The following DEPDC1 variants were observed in gnomAD, a reference collection of about 807,000 sequenced individuals.
The protein encoded by DEPDC1 is DEP domain containing 1, also known as DEP domain-containing protein 1A.
In DEPDC1, 66 loss-of-function variants were observed where a neutral mutation model predicts 86.8. The observed-to-expected ratio is 0.76, with a 90% confidence interval of 0.62 to 0.93. The LOEUF is 0.93. DEPDC1 is among the 40% of genes least tolerant of loss of function. DEPDC1 has a pLI of 0.00. For synonymous variants in DEPDC1, 255 were observed against 314.9 expected (o/e 0.81, Z 2.02); for missense variants, 792 against 935.7 (o/e 0.85, Z 2.00).
rs1284415828 is a variant in DEPDC1, at chr1:68,494,541, G to T, written c.203C>A (p.Thr68Lys). 2 of 1,613,536 alleles carry T rather than the reference G, an allele frequency of 1.2e-6. No homozygotes were observed. The highest frequency in any genetic ancestry group is 1.7e-5 in the Admixed American group (1 of 59,978). ...CAACAGTTGGATAGTCTGTTGCCTT[G>T]TAACTTCAGGACCAAAATTGCTATT... The part of the protein sequence containing the change: ...RNNSNFGPEV[T>K]RQQTIQLLRK... The change falls in exon 2 of 12, where the codon ACA becomes AAA. Residue 68 changes from threonine (T) to lysine (K), a missense_variant. Thr to Lys is a moderately conservative substitution (Grantham distance 78). Coordinates refer to ENST00000456315, the MANE Select transcript of DEPDC1 (RefSeq NM_001114120.3).
At chr1:68,478,728 A>G (rs1020580495) in intron 10 of DEPDC1, among the ~76,000 whole-genome samples, 2 of 151,786 alleles carry the variant, frequency 1.3e-5, no homozygotes, top group Non-Finnish European at 2.9e-5. Flanking sequence ...TTTGTGTAGA[A>G]CCAATCAGAG....
At chr1:68,494,775 A>C in intron 1 of DEPDC1, 80 bp from the exon 2 acceptor site, 2 of 1,099,336 alleles carry the variant, frequency 1.8e-6, no homozygotes, top group Non-Finnish European at 1.3e-6. Flanking sequence ...TTAGGTAAAG[A>C]AAATTCTTTA....
chr1:68,492,097 AAAGTTTGAACACCTCAG>A (rs1646232797), intron 2 of DEPDC1, among the ~76,000 whole-genome samples: 1 of 152,062 alleles, frequency 6.6e-6, no homozygotes, highest in Non-Finnish European at 1.5e-5. Flanking sequence ...AGTGACCTCA[AAAGTTTGAACACCTCAG>A]AAGTTTGACC....
In DEPDC1 at chr1:68,474,843, G is replaced by A. The variant is rs1646104188; in HGVS notation, c.*2089C>T. Reference sequence around the variant, plus strand: ...AAATTTCAACCAGTAGGCATAATCAGAACCTTTGTCTCATAATGAAAAGAT... The same window carrying A: ...AAATTTCAACCAGTAGGCATAATCAAAACCTTTGTCTCATAATGAAAAGAT... On this transcript the variant is annotated 3_prime_UTR_variant, in exon 12 of 12. Coordinates refer to ENST00000456315, the MANE Select transcript of DEPDC1 (RefSeq NM_001114120.3). The A allele has an allele frequency of 6.6e-6, 1 of 151,950 alleles. No individual in the cohort carries two copies. Among genetic ancestry groups the A allele is most frequent in the Non-Finnish European group, 1.5e-5 (1 of 67,912 alleles). The allele number at this position is 151,950 out of a possible 1,614,324, so 9.4% of individuals were successfully genotyped here.
In DEPDC1 at chr1:68,484,054, A is replaced by T. The variant is rs202040488; in HGVS notation, c.806T>A (p.Val269Asp). Residue 269 changes from valine to aspartate, a missense_variant, in exon 7 of 12, where the codon GTT (valine) becomes GAT (aspartate). Transcript: ENST00000456315. The stretch of plus-strand genomic sequence containing the variant: ...TCTGAATACATCTCGTTCAAATCCA[A>T]CATAAGTTGGATTATTCATATCATT... ...RSNDMNNPTYVGFERDVFRTI... is the reference protein window; with the variant it reads ...RSNDMNNPTYDGFERDVFRTI... 6.3e-7 allele frequency: 1 copy of T among 1,585,634 alleles called. No homozygotes were observed. Among genetic ancestry groups the T allele is most frequent in the African/African-American group, 1.4e-5 (1 of 73,208 alleles).
At position 68,486,917 on chromosome 1, in the gene DEPDC1, CACACAT is replaced by C. The variant is rs1015642083; in HGVS notation, c.769+14_769+19del. 9.0e-6 allele frequency: 14 copies of C among 1,555,048 alleles called. No individual in the cohort carries two copies. The highest frequency in any genetic ancestry group is 2.4e-5 in the South Asian group (2 of 83,898). Reference sequence around the variant, plus strand: ...ACACACACACACACACACACACACACACACATATATTTAACTTACAATTTGCTAGGC... The same window carrying C: ...ACACACACACACACACACACACACACATATTTAACTTACAATTTGCTAGGC... On this transcript the variant is annotated intron_variant, in intron 6 of 11. Transcript: ENST00000456315.
intron 10 of DEPDC1, among the ~76,000 whole-genome samples, chr1:68,478,446 ATT>A (rs34245196): frequency 0.21 from 30,157 of 146,198 alleles, 3,107 homozygotes; most frequent in African/African-American, 0.24. Flanking sequence ...GTTTTCATGT[ATT>A]TTTTTTTTTT....
rs12119046 is a variant in DEPDC1, at chr1:68,477,982, T to G, written c.2113-10A>C. On this transcript the variant is annotated splice_polypyrimidine_tract_variant and intron_variant, in intron 10 of 11. Coordinates refer to ENST00000456315, the MANE Select transcript of DEPDC1 (RefSeq NM_001114120.3). Reference sequence around the variant, plus strand: ...CTCCAGGATTTTCAATCTGTAGTGATCAAAATGATATAACTCTGTTAATTC... The same window carrying G: ...CTCCAGGATTTTCAATCTGTAGTGAGCAAAATGATATAACTCTGTTAATTC... 583,739 of 1,505,730 alleles carry G rather than the reference T, an allele frequency of 0.39. 118,885 individuals are homozygous for G. Among genetic ancestry groups the G allele is most frequent in the Middle Eastern group, 0.55 (3,125 of 5,670 alleles). 93.3% of individuals were successfully genotyped at this position (1,505,730 alleles called of 1,614,324 possible).
chr1:68,497,073 G>A lies in DEPDC1; in HGVS notation c.-74C>T. 1 of 1,536,798 alleles carries A rather than the reference G, an allele frequency of 6.5e-7. No homozygotes were observed. Among genetic ancestry groups the A allele is most frequent in the Non-Finnish European group, 9.0e-7 (1 of 1,114,954 alleles). Reference sequence around the variant, plus strand: ...GGCCCAGCGGCCGCGGCAGTGGCGAGTCTCGGCACAACCGTTGGCCCCGCC... The same window carrying A: ...GGCCCAGCGGCCGCGGCAGTGGCGAATCTCGGCACAACCGTTGGCCCCGCC... On this transcript the variant is annotated 5_prime_UTR_variant, in exon 1 of 12. Coordinates refer to ENST00000456315, the MANE Select transcript of DEPDC1 (RefSeq NM_001114120.3).
At chr1:68,493,071 A>C (rs1646240124) in intron 2 of DEPDC1, among the ~76,000 whole-genome samples, 1 of 152,146 alleles carries the variant, frequency 6.6e-6, no homozygotes, top group African/African-American at 2.4e-5. Flanking sequence ...TTGCCTAGGG[A>C]GAAGGTGAAG....
chr1:68,491,924 T>A (rs1646231716), intron 2 of DEPDC1, among the ~76,000 whole-genome samples: 2 of 151,244 alleles, frequency 1.3e-5, no homozygotes, highest in Admixed American at 1.3e-4. Context: ...TAATTAATTT[T>A]TTTTTTTTTT....
At chr1:68,485,019 T>G (rs1194098800) in intron 6 of DEPDC1, among the ~76,000 whole-genome samples, 1 of 151,720 alleles carries the variant, frequency 6.6e-6, no homozygotes, top group Non-Finnish European at 1.5e-5. Context: ...GGTATGCATC[T>G]AGGTTTTAGA....
chr1:68,483,631 G>A (rs973559765), intron 7 of DEPDC1: 6 of 264,606 alleles, frequency 2.3e-5, no homozygotes, highest in East Asian at 1.1e-4. Context: ...CCCTCATACC[G>A]TGCTCTGTGT....
intron 1 of DEPDC1, among the ~76,000 whole-genome samples, chr1:68,495,589 T>C (rs1261044647): frequency 2.0e-5 from 3 of 152,102 alleles, no homozygotes; most frequent in Admixed American, 6.5e-5. Context: ...GAGGACACAG[T>C]AATAAAAATG....
intron 9 of DEPDC1, among the ~76,000 whole-genome samples, chr1:68,479,590 G>T (rs1646139979): frequency 6.6e-6 from 1 of 151,942 alleles, no homozygotes; most frequent in Non-Finnish European, 1.5e-5. Context: ...CTCACTTGAG[G>T]CAAGGAGTTC....
Position 68,477,899 on chromosome 1 carries a change from T to C in DEPDC1, c.2186A>G (p.Glu729Gly), listed in dbSNP as rs2100240617. The change falls in exon 11 of 12, where the codon GAG becomes GGG. Residue 729 changes from glutamate to glycine, a missense_variant. Glu to Gly is a moderately conservative substitution (Grantham distance 98, BLOSUM62 -2). Transcript: ENST00000456315. ...YSYCKQISAQ[E>G]FDEQKVSTSQ... ...GGTAGAAACTTTTTGCTCATCAAAC[T>C]CCTGAGCACTAATCTGCTTACAGTA... The C allele has an allele frequency of 6.3e-7, 1 of 1,587,858 alleles. No homozygotes were observed. The highest frequency in any genetic ancestry group is 8.6e-7 in the Non-Finnish European group (1 of 1,166,688).
intron 10 of DEPDC1, among the ~76,000 whole-genome samples, chr1:68,478,744 C>G (rs1193828736): frequency 6.6e-6 from 1 of 151,830 alleles, no homozygotes; most frequent in Non-Finnish European, 1.5e-5. Context: ...CAGAGTAAGG[C>G]CCTATCTCCA....
chr1:68,486,218 T>C (rs12751067), intron 6 of DEPDC1, among the ~76,000 whole-genome samples: 17,462 of 151,988 alleles, frequency 0.11, 1,172 homozygotes, highest in Non-Finnish European at 0.15. Context: ...CATGGGGGTG[T>C]ATTTCCCCTT....
In DEPDC1 at chr1:68,477,949, T is replaced by C. The variant is rs1236695323; in HGVS notation, c.2136A>G (p.Leu712=). The C allele has an allele frequency of 1.3e-6, 2 of 1,551,022 alleles. No individual in the cohort carries two copies. Among genetic ancestry groups the C allele is most frequent in the Non-Finnish European group, 1.7e-6 (2 of 1,149,434 alleles). The part of the protein sequence containing the change: ...KGHIENPGDG[L]FAPLPTYSYC... ...ATGAGTAAGTTGGCAAAGGAGCAAA[T>C]AGTCCATCTCCAGGATTTTCAATCT... The change falls in exon 11 of 12, where the codon CTA becomes CTG. Residue 712 remains leucine, a synonymous_variant. Coordinates refer to ENST00000456315, the MANE Select transcript of DEPDC1 (RefSeq NM_001114120.3).
Sources: allele counts gnomAD v4.1 joint callset (sites outside exome capture counted in the v4.1 genomes callset), GRCh38; gene constraint gnomAD v4.1.1; transcripts MANE v1.5; gene names NCBI Gene and HGNC (gene_info 2026-07-23, HGNC 2026-07-21).